AR: variants seen among roughly 807,000 people sequenced by gnomAD.
The protein encoded by AR is androgen receptor.
A neutral mutation model predicts 53.9 loss-of-function variants in AR; 8 were observed. The observed-to-expected ratio is 0.15, with a 90% CI of 0.09 to 0.27. The LOEUF (loss-of-function observed/expected upper bound fraction) is 0.27. Ranked by LOEUF, AR falls within the 10% of genes least tolerant of loss-of-function variation. AR has a pLI of 1.00. For missense variants in AR, 639 were observed against 742.5 expected, an observed-to-expected ratio of 0.86 and a Z score of 1.62; for synonymous variants, 359 against 316.4, an observed-to-expected ratio of 1.13 and a Z score of -1.43.
chrX:67,579,838 G>T (rs932658663), intron 1 of AR, among the ~76,000 whole-genome samples: 1 of 111,343 alleles, frequency 9.0e-6, no homozygotes, highest in African/African-American at 3.3e-5. Flanking sequence ...TTTTCCTCCA[G>T]GTGTCATGAA....
chrX:67,705,050 C>A (rs2076059925), intron 3 of AR, among the ~76,000 whole-genome samples: 1 of 111,511 alleles, frequency 9.0e-6, no homozygotes, highest in South Asian at 3.8e-4. Context: ...TTACTGTAGC[C>A]TTGTAGTATA....
At chrX:67,607,221 G>T (rs1368106515) in intron 1 of AR, among the ~76,000 whole-genome samples, 1 of 110,780 alleles carries the variant, frequency 9.0e-6, no homozygotes, top group East Asian at 2.8e-4. Flanking sequence ...TAGAAACAGG[G>T]TTTCTCCATG....
intron 5 of AR, among the ~76,000 whole-genome samples, chrX:67,721,300 A>G (rs897764501): frequency 8.9e-6 from 1 of 112,338 alleles, no homozygotes; most frequent in African/African-American, 3.2e-5. Flanking sequence ...TGAAATTTCT[A>G]GTATTCCAGG....
intron 2 of AR, among the ~76,000 whole-genome samples, chrX:67,651,499 G>A (rs1926344778): frequency 9.0e-6 from 1 of 111,183 alleles, no homozygotes; most frequent in East Asian, 2.8e-4. Flanking sequence ...TAATATATTT[G>A]GAATTTGAAC....
intron 2 of AR, among the ~76,000 whole-genome samples, chrX:67,681,324 G>A (rs2075932611): frequency 9.0e-6 from 1 of 111,515 alleles, no homozygotes; most frequent in African/African-American, 3.3e-5. Flanking sequence ...CCACCTTACA[G>A]CAGGATTACA....
At chrX:67,704,180 G>A (rs993110725) in intron 3 of AR, among the ~76,000 whole-genome samples, 2 of 111,585 alleles carry the variant, frequency 1.8e-5, no homozygotes, top group South Asian at 7.6e-4. Flanking sequence ...ATGGCTGGGT[G>A]CAATGGTATT....
chrX:67,651,481 G>A (rs1926342850), intron 2 of AR, among the ~76,000 whole-genome samples: 1 of 111,162 alleles, frequency 9.0e-6, no homozygotes, highest in African/African-American at 3.3e-5. Flanking sequence ...TCATCAACAG[G>A]TAGTAAATAA....
At chrX:67,569,077 T>C (rs755361356) in intron 1 of AR, 11 of 1,160,824 alleles carry the variant, frequency 9.5e-6, no homozygotes, top group Non-Finnish European at 1.3e-5. Context: ...TAGTGAGTGT[T>C]GTAAGGTTTG....
intron 2 of AR, among the ~76,000 whole-genome samples, chrX:67,668,324 G>T (rs1227443740): frequency 8.9e-6 from 1 of 111,992 alleles, no homozygotes; most frequent in East Asian, 2.8e-4. Flanking sequence ...AAATGATCAA[G>T]TGCTTTTTGT....
At chrX:67,671,549 G>A (rs764496795) in intron 2 of AR, among the ~76,000 whole-genome samples, 2 of 112,040 alleles carry the variant, frequency 1.8e-5, no homozygotes, top group Admixed American at 1.9e-4. Flanking sequence ...TCTGTAAGTT[G>A]CCTGTTCCCT....
intron 2 of AR, among the ~76,000 whole-genome samples, chrX:67,676,864 A>G (rs2075903174): frequency 8.9e-6 from 1 of 111,831 alleles, no homozygotes; most frequent in East Asian, 2.8e-4. Context: ...GTTGTCTTTA[A>G]TATGCTTGCT....
At chrX:67,626,589 C>T (rs552567534) in intron 1 of AR, among the ~76,000 whole-genome samples, 9 of 94,369 alleles carry the variant, frequency 9.5e-5, no homozygotes, top group South Asian at 5.4e-4. Flanking sequence ...TACAGGCACC[C>T]GCCACCATGC....
At chrX:67,568,387 G>T (rs1921649769) in intron 1 of AR, among the ~76,000 whole-genome samples, 2 of 111,434 alleles carry the variant, frequency 1.8e-5, no homozygotes. Context: ...GACAGGGAAG[G>T]GAATTAGACC....
chrX:67,657,012 A>G (rs1401935357), intron 2 of AR, among the ~76,000 whole-genome samples: 1 of 110,805 alleles, frequency 9.0e-6, no homozygotes, highest in Non-Finnish European at 1.9e-5. Flanking sequence ...GTAGCAATTG[A>G]TTGGTTTAAA....
chrX:67,639,317 T>C (rs555862045), intron 1 of AR, among the ~76,000 whole-genome samples: 1 of 112,168 alleles, frequency 8.9e-6, no homozygotes, highest in Middle Eastern at 4.6e-3. Flanking sequence ...ATTGGTTCCA[T>C]ATGAAATTTA....
chrX:67,585,557 G>T (rs1213691686), intron 1 of AR, among the ~76,000 whole-genome samples: 3 of 112,437 alleles, frequency 2.7e-5, no homozygotes, highest in Non-Finnish European at 5.6e-5. Flanking sequence ...TACCTGAAGT[G>T]AGAAGTCTGA....
At position 67,629,812 on chromosome X, in the gene AR, T is replaced by C. The variant is rs1166484189; in HGVS notation, c.1617-13444T>C. Among the ~76,000 whole-genome samples, 34 of 110,884 alleles carry C rather than the reference T, an allele frequency of 3.1e-4. No individual in the cohort carries two copies. The East Asian group carries it at 8.6e-3, about 28-fold the overall frequency. On this transcript the variant is annotated intron_variant, in intron 1 of 7. Coordinates refer to ENST00000374690, the MANE Select transcript of AR (RefSeq NM_000044.6). The stretch of plus-strand genomic sequence containing the variant: ...TTCCCTCTACACACTGCTTTGAATG[T>C]GTCCCAGAGATTCTGGTATGTTGTG...
intron 1 of AR, among the ~76,000 whole-genome samples, chrX:67,596,179 C>T (rs777347226): frequency 3.6e-5 from 4 of 110,759 alleles, no homozygotes; most frequent in South Asian, 3.9e-4. Flanking sequence ...CACCAGAAGC[C>T]GAACAGATGC....
intron 1 of AR, among the ~76,000 whole-genome samples, chrX:67,619,246 A>G: frequency 9.0e-6 from 1 of 111,321 alleles, no homozygotes; most frequent in Non-Finnish European, 1.9e-5. Flanking sequence ...TAATTTATGG[A>G]CTGGAGAGGA....
Sources: allele counts gnomAD v4.1 joint callset (sites outside exome capture counted in the v4.1 genomes callset), GRCh38; gene constraint gnomAD v4.1.1; transcripts MANE v1.5; gene names NCBI Gene and HGNC (gene_info 2026-07-23, HGNC 2026-07-21).